C16orf87: variants seen among roughly 807,000 people sequenced by gnomAD.
C16orf87 encodes the protein UPF0547 protein C16orf87.
A neutral mutation model predicts 21.0 loss-of-function variants in C16orf87; 13 were observed. The observed-to-expected ratio is 0.62, with a 90% confidence interval of 0.40 to 0.98. C16orf87 has a LOEUF of 0.98. Ranked by LOEUF, C16orf87 falls within the 50% of genes least tolerant of loss-of-function variation. The pLI is 0.00. For synonymous variants in C16orf87, 49 were observed against 60.2 expected (o/e 0.81, Z 0.86); for missense variants, 113 against 180.4 (o/e 0.63, Z 2.14).
intron 2 of C16orf87, among the ~76,000 whole-genome samples, chr16:46,817,771 A>C (rs961959989): frequency 4.6e-5 from 7 of 152,110 alleles, no homozygotes; most frequent in African/African-American, 1.7e-4. Context: ...TGTACGGCAG[A>C]CCTAAAAACA....
chr16:46,826,068 C>T (rs1959608258), intron 1 of C16orf87, among the ~76,000 whole-genome samples: 1 of 152,008 alleles, frequency 6.6e-6, no homozygotes, highest in African/African-American at 2.4e-5. Context: ...AATTTAGATC[C>T]AGAATCTTAT....
intron 2 of C16orf87, among the ~76,000 whole-genome samples, chr16:46,823,026 C>T (rs972468470): frequency 1.3e-5 from 2 of 152,130 alleles, no homozygotes; most frequent in Admixed American, 6.6e-5. Context: ...AAATGTTTTC[C>T]AACCTTAGAA....
At chr16:46,814,188 A>G (rs995905620) in intron 2 of C16orf87, among the ~76,000 whole-genome samples, 5 of 152,232 alleles carry the variant, frequency 3.3e-5, no homozygotes, top group Non-Finnish European at 5.9e-5. Context: ...AAAATAAACT[A>G]CAATCCAAAA....
Position 46,800,931 on chromosome 16 carries a change from A to T in C16orf87, c.*2021T>A, listed in dbSNP as rs1295422384. 6.6e-6 allele frequency: 1 copy of T among 152,228 alleles called. No homozygotes were observed. The highest frequency in any genetic ancestry group is 1.5e-5 in the Non-Finnish European group (1 of 68,040). 9.4% of individuals were successfully genotyped at this position (152,228 alleles called of 1,614,324 possible). On this transcript the variant is annotated 3_prime_UTR_variant, in exon 4 of 4. Coordinates refer to ENST00000285697, the MANE Select transcript of C16orf87 (RefSeq NM_001001436.4). ...ATTACTTTTCTATACGGCAAGCTCC[A>T]GCCCAGCCACCAGTACCTCCTTTAC...
chr16:46,830,085 T>G (rs1245828812), intron 1 of C16orf87, among the ~76,000 whole-genome samples: 1 of 152,098 alleles, frequency 6.6e-6, no homozygotes, highest in Non-Finnish European at 1.5e-5. Flanking sequence ...TTTAACTCAT[T>G]AGATGTTAAG....
chr16:46,807,300 G>A (rs1967958658), intron 3 of C16orf87, among the ~76,000 whole-genome samples: 1 of 151,904 alleles, frequency 6.6e-6, no homozygotes, highest in South Asian at 2.1e-4. Flanking sequence ...AAGTAGCCTG[G>A]TGTGGTGGCA....
intron 3 of C16orf87, among the ~76,000 whole-genome samples, chr16:46,806,255 ATTTTTTT>A (rs765265445): frequency 7.9e-6 from 1 of 125,792 alleles, no homozygotes; most frequent in Non-Finnish European, 1.7e-5. Context: ...GTCTACATTC[ATTTTTTT>A]TTTTTTTTTT....
chr16:46,829,015 C>A (rs1959740070), intron 1 of C16orf87, among the ~76,000 whole-genome samples: 1 of 152,132 alleles, frequency 6.6e-6, no homozygotes, highest in South Asian at 2.1e-4. Flanking sequence ...GAATTATGCA[C>A]CCCTCGACAT....
chr16:46,830,264 C>CAGAGAGAGAGAGAG (rs1253533207), intron 1 of C16orf87, among the ~76,000 whole-genome samples: 30 of 41,110 alleles, frequency 7.3e-4, no homozygotes, highest in Middle Eastern at 0.012. Flanking sequence ...TAGAGAGAGA[C>CAGAGAGAGAGAGAG]AGACAGAGAG....
intron 3 of C16orf87, among the ~76,000 whole-genome samples, chr16:46,808,692 T>TTG (rs1967994756): frequency 6.6e-6 from 1 of 152,188 alleles, no homozygotes; most frequent in Non-Finnish European, 1.5e-5. Flanking sequence ...TACTATTTTC[T>TTG]CTACTCTTGC....
chr16:46,806,756 A>G (rs1410931763), intron 3 of C16orf87, among the ~76,000 whole-genome samples: 1 of 152,218 alleles, frequency 6.6e-6, no homozygotes, highest in East Asian at 1.9e-4. Context: ...ATGTCTAACA[A>G]GCTTTCCTTT....
At chr16:46,826,386 C>CA (rs1401903237) in intron 1 of C16orf87, among the ~76,000 whole-genome samples, 1 of 152,138 alleles carries the variant, frequency 6.6e-6, no homozygotes, top group Non-Finnish European at 1.5e-5. Flanking sequence ...TAAATTCCCC[C>CA]ATTTGGCAGT....
At chr16:46,812,013 G>A (rs1312056440) in intron 2 of C16orf87, among the ~76,000 whole-genome samples, 1 of 152,092 alleles carries the variant, frequency 6.6e-6, no homozygotes, top group Non-Finnish European at 1.5e-5. Context: ...GGAGGCCAAA[G>A]GGGGCGGATC....
At chr16:46,805,270 T>A (rs1389420730) in intron 3 of C16orf87, among the ~76,000 whole-genome samples, 2 of 152,218 alleles carry the variant, frequency 1.3e-5, no homozygotes, top group Non-Finnish European at 2.9e-5. Flanking sequence ...ATACTGGTCC[T>A]CTAAATTTCT....
intron 1 of C16orf87, chr16:46,830,756 C>T (rs902968557): frequency 1.7e-5 from 4 of 237,930 alleles, no homozygotes; most frequent in East Asian, 8.0e-5. Flanking sequence ...GCTCCCACCG[C>T]TGTCACCGCC....
intron 2 of C16orf87, among the ~76,000 whole-genome samples, chr16:46,817,939 A>AAAAAAAAAAAAC (rs1226959901): frequency 2.0e-5 from 3 of 147,634 alleles, no homozygotes; most frequent in African/African-American, 7.5e-5. Flanking sequence ...AAAAAAAAAA[A>AAAAAAAAAAAAC]CCACAAAAAT....
chr16:46,814,090 G>A (rs1968174604), intron 2 of C16orf87, among the ~76,000 whole-genome samples: 2 of 152,098 alleles, frequency 1.3e-5, no homozygotes, highest in Non-Finnish European at 2.9e-5. Flanking sequence ...CTGTGGTGCT[G>A]GAAACAAGAA....
chr16:46,804,868 C>T (rs747084982), intron 3 of C16orf87, among the ~76,000 whole-genome samples: 2 of 152,200 alleles, frequency 1.3e-5, no homozygotes, highest in Non-Finnish European at 2.9e-5. Context: ...AGTATGTACT[C>T]TTTTGTGCCT....
intron 1 of C16orf87, among the ~76,000 whole-genome samples, chr16:46,824,873 C>T (rs1959555735): frequency 2.0e-5 from 3 of 151,948 alleles, no homozygotes; most frequent in Non-Finnish European, 4.4e-5. Context: ...ACTATATTGG[C>T]CAGGTTGGTC....
Sources: gnomAD v4.1 joint callset for allele counts (sites outside exome capture counted in the v4.1 genomes callset) on GRCh38, gnomAD v4.1.1 for gene constraint, MANE v1.5 for transcripts, NCBI Gene and HGNC (gene_info 2026-07-23, HGNC 2026-07-21) for gene names.